ZNF469: variants seen among roughly 807,000 people sequenced by gnomAD.
ZNF469 encodes zinc finger protein 469.
In ZNF469, 1 loss-of-function variant was observed where a neutral mutation model predicts 1.0. That is an observed-to-expected ratio of 1.00 (90% CI 0.35 to 4.73). ZNF469 has a LOEUF of 4.73. Among genes scored for constraint, ZNF469 ranks in the 30% most tolerant of loss-of-function variants. The pLI is 0.16. For missense variants in ZNF469, 6,100 were observed against 5,356.3 expected (o/e 1.14, Z -4.33); for synonymous variants, 2,703 against 2,363.4 (o/e 1.14, Z -4.17).
intron 1 of ZNF469, among the ~76,000 whole-genome samples, chr16:88,408,267 C>T (rs1357630294): frequency 6.6e-6 from 1 of 152,226 alleles, no homozygotes; most frequent in African/African-American, 2.4e-5. Flanking sequence ...ATTCTCCTGC[C>T]TCAGCCTCCC....
intron 2 of ZNF469, among the ~76,000 whole-genome samples, chr16:88,425,841 G>T (rs549819013): frequency 3.3e-5 from 5 of 152,072 alleles, no homozygotes; most frequent in Non-Finnish European, 7.4e-5. Context: ...AGGGGCACCC[G>T]GGCCCCCCAG....
At chr16:88,186,117 G>C in the ZNF469 span, among the ~76,000 whole-genome samples, 2 of 152,248 alleles carry the variant, frequency 1.3e-5, no homozygotes, top group Non-Finnish European at 2.9e-5. Context: ...GGCTGCTGCT[G>C]TTTGTGGTCC....
In ZNF469 at chr16:88,389,372, C is replaced by G. The variant is rs1033581305; in HGVS notation, c.-192+6118C>G. 2.0e-5 allele frequency among the ~76,000 whole-genome samples: 3 copies of G among 152,362 alleles called. No homozygotes were observed. In the South Asian group the frequency reaches 6.2e-4, roughly 32 times the overall value. On this transcript the variant is annotated intron_variant, in intron 1 of 2. Transcript: ENST00000565624. ...TTTGCGGCTGAGCGCTGTTCTGCCCCGTGGACGGAGCACATTTTGTGCACG... is the reference window on the plus strand; with the variant it reads ...TTTGCGGCTGAGCGCTGTTCTGCCCGGTGGACGGAGCACATTTTGTGCACG...
the ZNF469 span, among the ~76,000 whole-genome samples, chr16:88,365,134 C>T: frequency 2.0e-5 from 3 of 152,262 alleles, no homozygotes; most frequent in South Asian, 2.1e-4. Context: ...ATCCATGAGT[C>T]GAGTCTCAGC....
chr16:88,385,763 G>T (rs1025259998), intron 1 of ZNF469, among the ~76,000 whole-genome samples: 2 of 152,166 alleles, frequency 1.3e-5, no homozygotes, highest in Non-Finnish European at 2.9e-5. Flanking sequence ...GCTGCTAGGG[G>T]CTGTGTGGCC....
At chr16:88,133,880 G>A in the ZNF469 span, among the ~76,000 whole-genome samples, 4 of 152,214 alleles carry the variant, frequency 2.6e-5, no homozygotes, top group South Asian at 2.1e-4. Flanking sequence ...GATCACCTGA[G>A]GTCAGGAGTT....
chr16:88,118,532 T>C, the ZNF469 span, among the ~76,000 whole-genome samples: 2 of 152,286 alleles, frequency 1.3e-5, no homozygotes. Context: ...AGCTCACCTG[T>C]CACCTCCGCC....
At chr16:88,166,069 C>A in the ZNF469 span, among the ~76,000 whole-genome samples, 1 of 152,282 alleles carries the variant, frequency 6.6e-6, no homozygotes, top group Non-Finnish European at 1.5e-5. The surrounding 1 kb of genome is among the most constrained non-coding windows in gnomAD (Gnocchi z 4.5). Flanking sequence ...GAGGCCGACC[C>A]TTGTCCCACG....
At chr16:88,376,499 G>A in the ZNF469 span, among the ~76,000 whole-genome samples, 162 of 152,314 alleles carry the variant, frequency 1.1e-3, 1 homozygote, top group African/African-American at 2.8e-3. Flanking sequence ...TGCCTCCTCC[G>A]GGGCCCTCGC....
At chr16:88,343,657 G>A in the ZNF469 span, among the ~76,000 whole-genome samples, 1 of 152,090 alleles carries the variant, frequency 6.6e-6, no homozygotes, top group Non-Finnish European at 1.5e-5. Flanking sequence ...GGGCATCCAT[G>A]GCAAGGGGGC....
chr16:88,222,460 T>A, the ZNF469 span, among the ~76,000 whole-genome samples: 1 of 152,116 alleles, frequency 6.6e-6, no homozygotes, highest in Non-Finnish European at 1.5e-5. Context: ...GGCTAATAAT[T>A]TCAAAATTTT....
chr16:88,376,728 A>G, the ZNF469 span, among the ~76,000 whole-genome samples: 1 of 152,318 alleles, frequency 6.6e-6, no homozygotes, highest in South Asian at 2.1e-4. Flanking sequence ...GCAGATGGGG[A>G]AACTGAGGCT....
At chr16:88,266,530 TG>T in the ZNF469 span, among the ~76,000 whole-genome samples, 1 of 152,198 alleles carries the variant, frequency 6.6e-6, no homozygotes, top group African/African-American at 2.4e-5. Context: ...ACGTTTTATT[TG>T]GGAAGAAAGG....
the ZNF469 span, among the ~76,000 whole-genome samples, chr16:88,375,229 C>G: frequency 6.6e-6 from 1 of 152,240 alleles, no homozygotes; most frequent in East Asian, 1.9e-4. Context: ...GAGTTCACCT[C>G]CATCCGGACT....
chr16:88,392,682 T>G (rs1478070358), intron 1 of ZNF469, among the ~76,000 whole-genome samples: 2 of 152,240 alleles, frequency 1.3e-5, no homozygotes, highest in Non-Finnish European at 2.9e-5. Flanking sequence ...TTCAGGCACC[T>G]GGATGGCAGC....
chr16:88,272,234 TGGA>T, the ZNF469 span, among the ~76,000 whole-genome samples: 172 of 69,822 alleles, frequency 2.5e-3, no homozygotes, highest in Non-Finnish European at 5.2e-3. Flanking sequence ...GATGAGTAGA[TGGA>T]TGGATGAGAA....
the ZNF469 span, among the ~76,000 whole-genome samples, chr16:88,140,951 A>AC: frequency 1.1e-4 from 17 of 151,966 alleles, no homozygotes; most frequent in Non-Finnish European, 2.5e-4. Context: ...AAACAAACAA[A>AC]AAAACAAAAA....
At chr16:88,116,909 C>A in the ZNF469 span, among the ~76,000 whole-genome samples, 2 of 149,358 alleles carry the variant, frequency 1.3e-5, no homozygotes, top group Non-Finnish European at 3.0e-5. Flanking sequence ...GGCAGTTACA[C>A]GAATCTACAC....
At chr16:88,196,036 C>T in the ZNF469 span, among the ~76,000 whole-genome samples, 2 of 152,224 alleles carry the variant, frequency 1.3e-5, no homozygotes, top group Non-Finnish European at 2.9e-5. Context: ...CAGTAATGTT[C>T]TGTTTTTCCT....
Sources: allele counts gnomAD v4.1 joint callset (sites outside exome capture counted in the v4.1 genomes callset), GRCh38; gene constraint gnomAD v4.1.1; non-coding constraint Gnocchi (gnomAD v3.1); transcripts MANE v1.5; gene names NCBI Gene and HGNC (gene_info 2026-07-23, HGNC 2026-07-21).